CD200R1L: variants seen among roughly 807,000 people sequenced by gnomAD.
CD200R1L encodes cell surface glycoprotein CD200 receptor 2.
CD200R1L carries 14 observed loss-of-function variants against 24.8 expected under a neutral mutation model. That is an observed-to-expected ratio of 0.56 (90% CI 0.37 to 0.88). The LOEUF (loss-of-function observed/expected upper bound fraction) is 0.88, where lower values mean the gene tolerates loss of function less well. Ranked by LOEUF, CD200R1L falls within the 40% of genes least tolerant of loss-of-function variation. CD200R1L has a pLI of 0.00. For synonymous variants in CD200R1L, 111 were observed against 109.2 expected (o/e 1.02, Z -0.11); for missense variants, 299 against 297.8 (o/e 1.00, Z -0.03).
At chr3:112,829,293 T>C (rs1253368731) in intron 4 of CD200R1L, 26 bp downstream of exon 4, 1 of 1,587,910 alleles carries the variant, frequency 6.3e-7, no homozygotes, top group Admixed American at 1.7e-5. Flanking sequence ...CCCTCAGTGC[T>C]GGCCACTACT....
At chr3:112,826,685 A>T (rs912966619) in intron 6 of CD200R1L, among the ~76,000 whole-genome samples, 3 of 152,248 alleles carry the variant, frequency 2.0e-5, no homozygotes, top group African/African-American at 7.2e-5. Flanking sequence ...AAAATCAGGA[A>T]GAAAATAGCT....
chr3:112,839,786 A>G (rs1217136911), intron 2 of CD200R1L, among the ~76,000 whole-genome samples: 1 of 152,210 alleles, frequency 6.6e-6, no homozygotes, highest in Non-Finnish European at 1.5e-5. Flanking sequence ...CCATAGAAGC[A>G]GCCCTCCCAC....
At chr3:112,833,072 G>C (rs1938850400) in intron 3 of CD200R1L, among the ~76,000 whole-genome samples, 1 of 152,176 alleles carries the variant, frequency 6.6e-6, no homozygotes, top group South Asian at 2.1e-4. Flanking sequence ...GTAGGCCAGT[G>C]GTCTGGACCC....
At chr3:112,838,416 A>G (rs932833413) in intron 2 of CD200R1L, among the ~76,000 whole-genome samples, 2 of 152,018 alleles carry the variant, frequency 1.3e-5, no homozygotes, top group African/African-American at 4.8e-5. Flanking sequence ...AAAAACTTAG[A>G]AGTACTGGAT....
intron 3 of CD200R1L, among the ~76,000 whole-genome samples, chr3:112,835,006 C>T (rs540945686): frequency 1.2e-4 from 19 of 152,338 alleles, no homozygotes; most frequent in Admixed American, 9.1e-4. Context: ...CCCAAAGAGC[C>T]ACAGCTCTTC....
intron 4 of CD200R1L, 33 bp downstream of exon 4, chr3:112,829,286 T>A: frequency 1.3e-6 from 2 of 1,555,804 alleles, no homozygotes; most frequent in Non-Finnish European, 8.9e-7. Flanking sequence ...TTTCCATCCC[T>A]CAGTGCTGGC....
chr3:112,835,858 C>T (rs935308622), intron 3 of CD200R1L, among the ~76,000 whole-genome samples: 4 of 152,268 alleles, frequency 2.6e-5, no homozygotes, highest in Non-Finnish European at 5.9e-5. Flanking sequence ...GCAGCTTGGG[C>T]GGCTCCTTCC....
At chr3:112,837,855 G>T in intron 3 of CD200R1L, 87 bp downstream of exon 3, 2 of 383,330 alleles carry the variant, frequency 5.2e-6, no homozygotes, top group Non-Finnish European at 8.1e-6. Context: ...TGTTAAAATT[G>T]CACACAGGAC....
chr3:112,835,791 G>A (rs1288686513), intron 3 of CD200R1L, among the ~76,000 whole-genome samples: 2 of 152,242 alleles, frequency 1.3e-5, no homozygotes, highest in Non-Finnish European at 2.9e-5. Context: ...GGCCAAGGTG[G>A]CAGGGCTTCT....
At chr3:112,827,775 T>C (rs1369619891) in intron 4 of CD200R1L, 91 bp from the exon 5 acceptor site, 22 of 1,228,206 alleles carry the variant, frequency 1.8e-5, no homozygotes, top group Non-Finnish European at 2.4e-5. Context: ...CATGAAGTTT[T>C]ATTAGAACAT....
chr3:112,830,516 T>TC (rs1223183178), intron 3 of CD200R1L, among the ~76,000 whole-genome samples: 29 of 150,728 alleles, frequency 1.9e-4, no homozygotes, highest in Non-Finnish European at 3.1e-4. Context: ...TTTTTTTTTT[T>TC]TTGCATTGTC....
intron 6 of CD200R1L, among the ~76,000 whole-genome samples, chr3:112,824,467 A>G (rs1304470084): frequency 6.6e-6 from 1 of 152,212 alleles, no homozygotes; most frequent in Admixed American, 6.5e-5. Flanking sequence ...GAGCAGAACT[A>G]TAGACTCGAG....
chr3:112,843,501 G>T (rs909621637), intron 2 of CD200R1L, among the ~76,000 whole-genome samples: 7 of 152,208 alleles, frequency 4.6e-5, no homozygotes, highest in African/African-American at 1.7e-4. Flanking sequence ...TCTTTCCTAA[G>T]CAAGCAAACA....
chr3:112,839,599 T>C (rs1050992930), intron 2 of CD200R1L, among the ~76,000 whole-genome samples: 19 of 152,222 alleles, frequency 1.2e-4, no homozygotes, highest in Middle Eastern at 3.2e-3. Flanking sequence ...CCAAAACTTA[T>C]CCCGTAAGAG....
At chr3:112,831,632 T>G (rs866355178) in intron 3 of CD200R1L, among the ~76,000 whole-genome samples, 2 of 152,160 alleles carry the variant, frequency 1.3e-5, no homozygotes, top group Non-Finnish European at 2.9e-5. Flanking sequence ...AAAGAGCAAA[T>G]TGGACACAGA....
At position 112,823,068 on chromosome 3, in the gene CD200R1L, TTTAA is replaced by T. The variant is rs554706682; in HGVS notation, c.617-3177_617-3174del. ...TACAGAAAAGAAAACAAACTGTAACTTTAATTAAATCATTATAACTCATAAACCA... is the reference window on the plus strand; with the variant it reads ...TACAGAAAAGAAAACAAACTGTAACTTTAAATCATTATAACTCATAAACCA... On this transcript the variant is annotated intron_variant, in intron 6 of 7. Transcript: ENST00000488794. 1.4e-4 allele frequency among the ~76,000 whole-genome samples: 21 copies of T among 152,342 alleles called. No homozygotes were observed. The East Asian group carries it at 2.7e-3, about 20-fold the overall frequency.
At chr3:112,819,960 T>A in intron 6 of CD200R1L, 65 bp from the exon 7 acceptor site, 1 of 1,422,872 alleles carries the variant, frequency 7.0e-7, no homozygotes, top group East Asian at 2.4e-5. Flanking sequence ...TTAGAGTCAA[T>A]CATTTTAAAG....
intron 3 of CD200R1L, among the ~76,000 whole-genome samples, chr3:112,834,039 G>A (rs1481458436): frequency 6.6e-6 from 1 of 152,162 alleles, no homozygotes; most frequent in Admixed American, 6.5e-5. Flanking sequence ...GCATGTGGAT[G>A]CATTCAGAAA....
At chr3:112,819,919 A>G in intron 6 of CD200R1L, 24 bp from the exon 7 acceptor site, 1 of 1,546,728 alleles carries the variant, frequency 6.5e-7, no homozygotes, top group Admixed American at 2.3e-5. Flanking sequence ...CAGGGGTGAA[A>G]AATCATTTCA....
Sources: allele counts gnomAD v4.1 joint callset (sites outside exome capture counted in the v4.1 genomes callset), GRCh38; gene constraint gnomAD v4.1.1; transcripts MANE v1.5; gene names NCBI Gene and HGNC (gene_info 2026-07-23, HGNC 2026-07-21).